The following PABPC4L variants were observed in gnomAD, a reference collection of about 807,000 sequenced individuals.
The protein encoded by PABPC4L is poly(A) binding protein cytoplasmic 4 like.
For missense variants in PABPC4L, 452 were observed against 451.4 expected (o/e 1.00, Z -0.01); for synonymous variants, 169 against 164.1 (o/e 1.03, Z -0.23).
the PABPC4L span, among the ~76,000 whole-genome samples, chr4:134,165,673 A>G: frequency 6.6e-6 from 1 of 152,208 alleles, no homozygotes; most frequent in Admixed American, 6.5e-5. Flanking sequence ...GAGAACTCTT[A>G]CACACTGCTG....
the PABPC4L span, among the ~76,000 whole-genome samples, chr4:133,982,420 C>T: frequency 6.6e-6 from 1 of 151,944 alleles, no homozygotes; most frequent in Non-Finnish European, 1.5e-5. Context: ...TAGTCCAGGA[C>T]AGATTTTATG....
At chr4:134,070,943 A>G in the PABPC4L span, among the ~76,000 whole-genome samples, 1 of 152,172 alleles carries the variant, frequency 6.6e-6, no homozygotes, top group Non-Finnish European at 1.5e-5. Flanking sequence ...AAAGTCTCCT[A>G]GAGGAGCATG....
At chr4:134,030,825 A>G in the PABPC4L span, among the ~76,000 whole-genome samples, 1 of 152,076 alleles carries the variant, frequency 6.6e-6, no homozygotes, top group Non-Finnish European at 1.5e-5. Flanking sequence ...ATACCACTCT[A>G]TTCCTTCCTT....
the PABPC4L span, among the ~76,000 whole-genome samples, chr4:133,953,632 G>C: frequency 6.6e-6 from 1 of 152,062 alleles, no homozygotes; most frequent in African/African-American, 2.4e-5. Context: ...CCTAGAAGTG[G>C]ACTCTTGAAT....
chr4:134,027,562 C>A, the PABPC4L span, among the ~76,000 whole-genome samples: 2 of 152,134 alleles, frequency 1.3e-5, no homozygotes, highest in Admixed American at 1.3e-4. Context: ...ATCTCTTCGA[C>A]AAACTGATTT....
the PABPC4L span, among the ~76,000 whole-genome samples, chr4:134,082,967 A>G: frequency 6.6e-6 from 1 of 152,166 alleles, no homozygotes; most frequent in Non-Finnish European, 1.5e-5. Flanking sequence ...TCTGTACTGC[A>G]TGAGCACTGG....
the PABPC4L span, among the ~76,000 whole-genome samples, chr4:134,061,620 CAGAGAGAGAGAGAG>C: frequency 5.6e-3 from 809 of 143,420 alleles, 11 homozygotes; most frequent in African/African-American, 0.02. Flanking sequence ...CAAACATACA[CAGAGAGAGAGAGAG>C]AGAGAGAGAG....
the PABPC4L span, among the ~76,000 whole-genome samples, chr4:134,159,406 G>A: frequency 6.6e-6 from 1 of 152,034 alleles, no homozygotes; most frequent in African/African-American, 2.4e-5. Context: ...GCATTGAAGG[G>A]GACAGGCAGG....
At chr4:134,115,442 A>G in the PABPC4L span, among the ~76,000 whole-genome samples, 1 of 151,774 alleles carries the variant, frequency 6.6e-6, no homozygotes, top group Admixed American at 6.6e-5. Flanking sequence ...TTGAATTTCT[A>G]TGGAATTATA....
the PABPC4L span, among the ~76,000 whole-genome samples, chr4:134,023,224 T>C: frequency 6.6e-6 from 1 of 152,280 alleles, no homozygotes; most frequent in South Asian, 2.1e-4. Context: ...CACTGAGGCA[T>C]GAGGAATGGC....
At chr4:134,126,088 A>G in the PABPC4L span, among the ~76,000 whole-genome samples, 4 of 152,162 alleles carry the variant, frequency 2.6e-5, no homozygotes, top group African/African-American at 9.7e-5. Flanking sequence ...AATTGATAAC[A>G]TTACCATTTT....
the PABPC4L span, among the ~76,000 whole-genome samples, chr4:133,980,766 A>G: frequency 6.6e-6 from 1 of 152,218 alleles, no homozygotes; most frequent in Non-Finnish European, 1.5e-5. Context: ...TTAACTTTAA[A>G]AAAAATGATC....
chr4:134,096,863 T>A, the PABPC4L span, among the ~76,000 whole-genome samples: 1 of 151,986 alleles, frequency 6.6e-6, no homozygotes, highest in African/African-American at 2.4e-5. Flanking sequence ...AGCTCTATAT[T>A]CTTATGCAGA....
chr4:134,182,008 A>C, the PABPC4L span, among the ~76,000 whole-genome samples: 2 of 151,736 alleles, frequency 1.3e-5, no homozygotes, highest in Non-Finnish European at 2.9e-5. Context: ...AGTAAAAAAA[A>C]AAAACAAAAA....
the PABPC4L span, among the ~76,000 whole-genome samples, chr4:134,183,773 TATAAA>T: frequency 6.6e-6 from 1 of 151,810 alleles, no homozygotes; most frequent in Admixed American, 6.6e-5. Context: ...ACACAAAATC[TATAAA>T]ATATTGTTGA....
At chr4:133,951,597 ACC>A in the PABPC4L span, among the ~76,000 whole-genome samples, 1 of 151,858 alleles carries the variant, frequency 6.6e-6, no homozygotes, top group Non-Finnish European at 1.5e-5. Context: ...GCCTCTTCTG[ACC>A]CCAGGTTTGA....
the PABPC4L span, among the ~76,000 whole-genome samples, chr4:133,951,741 C>T: frequency 6.6e-6 from 1 of 152,032 alleles, no homozygotes; most frequent in Non-Finnish European, 1.5e-5. Context: ...TAATGGGGTC[C>T]CCTATGGGGA....
the PABPC4L span, among the ~76,000 whole-genome samples, chr4:133,950,265 T>C: frequency 6.6e-6 from 1 of 152,180 alleles, no homozygotes; most frequent in East Asian, 1.9e-4. Context: ...GGGAAGGTGT[T>C]CACCCAGCCA....
the PABPC4L span, among the ~76,000 whole-genome samples, chr4:133,956,087 A>T: frequency 1.3e-5 from 2 of 152,182 alleles, no homozygotes; most frequent in Admixed American, 1.3e-4. Flanking sequence ...TCAACATTCA[A>T]ATCATAAGGG....
Sources: allele counts gnomAD v4.1 joint callset (sites outside exome capture counted in the v4.1 genomes callset), GRCh38; gene constraint gnomAD v4.1.1; transcripts MANE v1.5; gene names NCBI Gene and HGNC (gene_info 2026-07-23, HGNC 2026-07-21).